The following LRP1B variants were observed in gnomAD, a reference collection of about 807,000 sequenced individuals.
The protein encoded by LRP1B is low-density lipoprotein receptor-related protein 1B.
A neutral mutation model predicts 556.6 loss-of-function variants in LRP1B; 217 were observed. The observed-to-expected ratio is 0.39, with a 90% CI of 0.35 to 0.44. The LOEUF (loss-of-function observed/expected upper bound fraction) is 0.44. LRP1B is among the 20% of genes least tolerant of loss of function. The pLI is 1.00. For missense variants in LRP1B, 5,053 were observed against 5,620.8 expected, an observed-to-expected ratio of 0.90 and a Z score of 3.23; for synonymous variants, 2,047 against 1,865.8, an observed-to-expected ratio of 1.10 and a Z score of -2.50.
In LRP1B at chr2:140,621,111, G is replaced by A. The variant is rs573935395; in HGVS notation, c.6800-19472C>T. Among the ~76,000 whole-genome samples the A allele has an allele frequency of 1.5e-4, 23 of 151,954 alleles. 1 individual carries two copies. In the South Asian group the frequency reaches 4.8e-3, roughly 32 times the overall value. ...AAATACTGATATTGGGCCAGGTGTG[G>A]TGGCTCACATCTGGAATCCCAGCAC... On this transcript the variant is annotated intron_variant, in intron 41 of 90. Coordinates refer to ENST00000389484, the MANE Select transcript of LRP1B (RefSeq NM_018557.3).
chr2:140,293,709 T>A (rs1333220461), intron 84 of LRP1B, among the ~76,000 whole-genome samples: 1 of 152,152 alleles, frequency 6.6e-6, no homozygotes. Context: ...ATTTATTATG[T>A]TTTTGTCAGC....
At chr2:141,697,049 T>A (rs1691756809) in intron 2 of LRP1B, among the ~76,000 whole-genome samples, 1 of 151,946 alleles carries the variant, frequency 6.6e-6, no homozygotes, top group Non-Finnish European at 1.5e-5. Flanking sequence ...AATAAGCATA[T>A]CACGTTCTTT....
At chr2:140,873,503 C>T (rs894891882) in intron 25 of LRP1B, among the ~76,000 whole-genome samples, 3 of 151,932 alleles carry the variant, frequency 2.0e-5, no homozygotes, top group African/African-American at 4.8e-5. Flanking sequence ...TGGTCTACAC[C>T]CAGAAATGAA....
In LRP1B at chr2:140,636,215, C is replaced by T. The variant is rs931968734; in HGVS notation, c.6800-34576G>A. Among the ~76,000 whole-genome samples, 7 of 152,062 alleles carry T rather than the reference C, an allele frequency of 4.6e-5. No homozygotes were observed. The East Asian group carries it at 1.3e-3, about 29-fold the overall frequency. On this transcript the variant is annotated intron_variant, in intron 41 of 90. Coordinates refer to ENST00000389484, the MANE Select transcript of LRP1B (RefSeq NM_018557.3). ...TTCTCTAGATTACACCTGCAAAATT[C>T]AATATTGATTCTTGTATAAAGCTTC... is the stretch of plus-strand genomic sequence containing the variant.
In LRP1B at chr2:140,395,861, G is replaced by A. The variant is rs145860776; in HGVS notation, c.10415-9852C>T. On this transcript the variant is annotated intron_variant, in intron 66 of 90. Coordinates refer to ENST00000389484, the MANE Select transcript of LRP1B (RefSeq NM_018557.3). ...ATTACATTCTGTAATGCCATCTATCGCACTTGACTAGAATTTGTGATTTTT... is the reference window on the plus strand; with the variant it reads ...ATTACATTCTGTAATGCCATCTATCACACTTGACTAGAATTTGTGATTTTT... Among the ~76,000 whole-genome samples the A allele has an allele frequency of 1.1e-3, 168 of 152,042 alleles. 3 individuals carry two copies. The highest frequency in any genetic ancestry group is 3.7e-3 in the African/African-American group (155 of 41,460).
At chr2:141,216,347 C>T (rs1682811107) in intron 6 of LRP1B, among the ~76,000 whole-genome samples, 1 of 152,236 alleles carries the variant, frequency 6.6e-6, no homozygotes, top group Non-Finnish European at 1.5e-5. Flanking sequence ...TTGTCAGCCT[C>T]TGCCTAGGTT....
At chr2:140,895,180 T>A (rs12993423) in intron 23 of LRP1B, among the ~76,000 whole-genome samples, 20,562 of 151,964 alleles carry the variant, frequency 0.14, 1,597 homozygotes, top group Admixed American at 0.17. Flanking sequence ...TAAAAAATAA[T>A]TTCAAAGGCC....
In LRP1B at chr2:140,831,887, C is replaced by T. The variant is rs978539773; in HGVS notation, c.5209+8104G>A. On this transcript the variant is annotated intron_variant, in intron 31 of 90. Transcript: ENST00000389484. ...TGAGTAGGCATGTCTCAAAAAAAGA[C>T]ACACAATTGGCCAACAGATATATGA... Among the ~76,000 whole-genome samples the T allele has an allele frequency of 3.3e-5, 5 of 152,048 alleles. No homozygotes were observed. In the East Asian group the frequency reaches 7.7e-4, roughly 23 times the overall value.
intron 2 of LRP1B, among the ~76,000 whole-genome samples, chr2:141,486,707 T>G (rs1683134301): frequency 6.6e-6 from 1 of 152,128 alleles, no homozygotes; most frequent in Non-Finnish European, 1.5e-5. Flanking sequence ...TTCAAAGTCC[T>G]GTACCTGCAA....
intron 2 of LRP1B, among the ~76,000 whole-genome samples, chr2:141,644,207 C>G (rs1689461549): frequency 6.6e-6 from 1 of 152,078 alleles, no homozygotes; most frequent in Non-Finnish European, 1.5e-5. Context: ...AATTGTAACT[C>G]TCACAATTCC....
chr2:141,424,427 A>T (rs1397386766), intron 3 of LRP1B, among the ~76,000 whole-genome samples: 1 of 152,120 alleles, frequency 6.6e-6, no homozygotes, highest in East Asian at 1.9e-4. Flanking sequence ...TTCTTAAATA[A>T]CTACTTCCAT....
At chr2:140,841,206 G>T in intron 29 of LRP1B, 114 bp from the exon 30 acceptor site, 1 of 641,458 alleles carries the variant, frequency 1.6e-6, no homozygotes, top group Non-Finnish European at 2.6e-6. Flanking sequence ...TAATTTGTTA[G>T]CTAAAATCGC....
At chr2:140,954,541 C>T (rs1040614240) in intron 18 of LRP1B, among the ~76,000 whole-genome samples, 2 of 151,974 alleles carry the variant, frequency 1.3e-5, no homozygotes, top group Non-Finnish European at 2.9e-5. Context: ...GATGATACTT[C>T]ATCGGTTGGG....
At chr2:142,096,995 A>G (rs1338422146) in intron 1 of LRP1B, among the ~76,000 whole-genome samples, 1 of 151,394 alleles carries the variant, frequency 6.6e-6, no homozygotes, top group East Asian at 1.9e-4. Context: ...ATAAGTGTCT[A>G]TTTGTATATT....
chr2:141,895,048 C>CAAAAAA (rs369108197), intron 1 of LRP1B, among the ~76,000 whole-genome samples: 43 of 77,932 alleles, frequency 5.5e-4, no homozygotes, highest in East Asian at 1.3e-3. Flanking sequence ...AACTCCATCT[C>CAAAAAA]AAAAAAAAAA....
chr2:142,029,506 A>T (rs2105192461), intron 1 of LRP1B, among the ~76,000 whole-genome samples: 1 of 151,990 alleles, frequency 6.6e-6, no homozygotes, highest in Non-Finnish European at 1.5e-5. Flanking sequence ...TTACTCTCAA[A>T]TTATTTCTAT....
intron 18 of LRP1B, among the ~76,000 whole-genome samples, chr2:140,968,836 G>A (rs978518114): frequency 4.6e-5 from 7 of 152,122 alleles, no homozygotes; most frequent in South Asian, 2.1e-4. Flanking sequence ...GTAGTTGAGC[G>A]GTTTTGAGTG....
At chr2:140,944,788 AC>A in intron 20 of LRP1B, among the ~76,000 whole-genome samples, 1 of 152,170 alleles carries the variant, frequency 6.6e-6, no homozygotes, top group Non-Finnish European at 1.5e-5. Flanking sequence ...TCTATGACAA[AC>A]CCACAGTCAA....
At chr2:141,638,179 C>T (rs2105358650) in intron 2 of LRP1B, among the ~76,000 whole-genome samples, 1 of 152,096 alleles carries the variant, frequency 6.6e-6, no homozygotes, top group South Asian at 2.1e-4. Flanking sequence ...AGAGCAAGAC[C>T]TTGTCTCAAA....
Sources: gnomAD v4.1 joint callset for allele counts (sites outside exome capture counted in the v4.1 genomes callset) on GRCh38, gnomAD v4.1.1 for gene constraint, MANE v1.5 for transcripts, NCBI Gene and HGNC (gene_info 2026-07-23, HGNC 2026-07-21) for gene names.